Variants in LPAR1 observed in about 807,000 individuals in gnomAD.
LPAR1 encodes the protein lysophosphatidic acid receptor 1.
A neutral mutation model predicts 23.8 loss-of-function variants in LPAR1; 5 were observed. The ratio of observed to expected loss-of-function variants is 0.21; its 90% CI spans 0.11 to 0.44. LPAR1 has a LOEUF of 0.44. LPAR1 is among the 20% of genes least tolerant of loss of function. The pLI is 0.99. For missense variants in LPAR1, 311 were observed against 482.8 expected (o/e 0.64, Z 3.33); for synonymous variants, 160 against 164.7 (o/e 0.97, Z 0.22).
intron 2 of LPAR1, among the ~76,000 whole-genome samples, chr9:111,012,920 CT>C (rs2097362106): frequency 6.6e-6 from 1 of 152,114 alleles, no homozygotes; most frequent in Non-Finnish European, 1.5e-5. Flanking sequence ...CAGCCTGTAA[CT>C]TTGTGAAAGG....
rs73655659 is a variant in LPAR1 at position 110,897,762 on chromosome 9, T to C, written c.794-22040A>G. Among the ~76,000 whole-genome samples the C allele has an allele frequency of 6.9e-3, 1,045 of 150,366 alleles. 15 individuals are homozygous for C. Among genetic ancestry groups the C allele is most frequent in the African/African-American group, 0.024 (980 of 41,044 alleles). On this transcript the variant is annotated intron_variant, in intron 5 of 5. Transcript: ENST00000683809. The stretch of plus-strand genomic sequence containing the variant: ...AATTCTAGAAAGATAGGGAGAAACA[T>C]TGAAAAGTAGAAAAAAATAACTAGA...
intron 5 of LPAR1, among the ~76,000 whole-genome samples, chr9:110,883,718 AAC>A (rs1358230571): frequency 1.3e-5 from 2 of 152,178 alleles, no homozygotes; most frequent in Non-Finnish European, 2.9e-5. Flanking sequence ...ACAGATAAGA[AAC>A]ACACAGTTTA....
chr9:110,908,994 T>C (rs757552189), intron 5 of LPAR1, among the ~76,000 whole-genome samples: 1 of 152,186 alleles, frequency 6.6e-6, no homozygotes, highest in Non-Finnish European at 1.5e-5. Context: ...GAAAGGACCT[T>C]CAGGCCTCTC....
At chr9:111,005,884 T>C (rs2097209978) in intron 2 of LPAR1, among the ~76,000 whole-genome samples, 1 of 152,182 alleles carries the variant, frequency 6.6e-6, no homozygotes, top group Non-Finnish European at 1.5e-5. Context: ...AGTGTGTTGG[T>C]GTGCCCTGCT....
At chr9:111,015,579 G>A (rs1027643717) in intron 2 of LPAR1, among the ~76,000 whole-genome samples, 2 of 152,120 alleles carry the variant, frequency 1.3e-5, no homozygotes, top group African/African-American at 4.8e-5. Context: ...ATAGGGAGTT[G>A]TTGATCAAAG....
intron 2 of LPAR1, among the ~76,000 whole-genome samples, chr9:111,034,401 G>C (rs1176771387): frequency 6.6e-6 from 1 of 151,372 alleles, no homozygotes; most frequent in Non-Finnish European, 1.5e-5. Context: ...AAACAAAAAA[G>C]AGAGGGGAAA....
intron 5 of LPAR1, among the ~76,000 whole-genome samples, chr9:110,912,110 A>G (rs1039178996): frequency 2.0e-5 from 3 of 152,228 alleles, no homozygotes; most frequent in African/African-American, 7.2e-5. Context: ...AAAGCACAGT[A>G]TCAATGCAGA....
intron 5 of LPAR1, among the ~76,000 whole-genome samples, chr9:110,878,379 T>A (rs961572302): frequency 6.6e-6 from 1 of 152,146 alleles, no homozygotes; most frequent in Non-Finnish European, 1.5e-5. Flanking sequence ...TTGTAAGGGA[T>A]GAGGTTCCTA....
chr9:110,945,367 C>T (rs1373844893), intron 4 of LPAR1: 1 of 151,932 alleles, frequency 6.6e-6, no homozygotes, highest in East Asian at 1.9e-4. Flanking sequence ...AGGAGGTGGC[C>T]ACTTATCTCT....
chr9:111,020,326 A>T (rs2097538764), intron 2 of LPAR1, among the ~76,000 whole-genome samples: 1 of 152,246 alleles, frequency 6.6e-6, no homozygotes. Flanking sequence ...TCCCTGAATC[A>T]GATGAGAATT....
At position 111,023,032 on chromosome 9, in the gene LPAR1, C is replaced by T. The variant is rs536067323; in HGVS notation, c.-182+13090G>A. 4.9e-4 allele frequency among the ~76,000 whole-genome samples: 58 copies of T among 118,810 alleles called. 2 individuals carry two copies. The South Asian group carries it at 0.016, about 32-fold the overall frequency. 77.9% of individuals were successfully genotyped at this position (118,810 alleles called of 152,430 possible). On this transcript the variant is annotated intron_variant, in intron 2 of 5. Coordinates refer to ENST00000683809, the MANE Select transcript of LPAR1 (RefSeq NM_001351411.2). ...CGCCACTGCACTCCAGCCTGGGTGA[C>T]ACAGCAAGACTCCGTCTCAACAAAA...
chr9:110,976,119 T>C (rs1185220490), intron 2 of LPAR1, among the ~76,000 whole-genome samples: 2 of 152,150 alleles, frequency 1.3e-5, no homozygotes, highest in African/African-American at 2.4e-5. Flanking sequence ...CTGAGTAAGC[T>C]GGCTCACTTT....
chr9:110,892,003 T>C (rs2084324014), intron 5 of LPAR1, among the ~76,000 whole-genome samples: 2 of 152,168 alleles, frequency 1.3e-5, no homozygotes, highest in Non-Finnish European at 2.9e-5. Flanking sequence ...AGTTAAACAT[T>C]CACATATCAT....
In LPAR1 at chr9:111,021,689, C is replaced by T. The variant is rs944408955; in HGVS notation, c.-182+14433G>A. Among the ~76,000 whole-genome samples, 57 of 152,040 alleles carry T rather than the reference C, an allele frequency of 3.7e-4. 1 individual carries two copies. The highest frequency in any genetic ancestry group is 8.8e-5 in the Non-Finnish European group (6 of 67,998). On this transcript the variant is annotated intron_variant, in intron 2 of 5. Transcript: ENST00000683809. ...GTCTTAAAAGATTTAGGCCAGTTGC[C>T]GTGGCTCACGCCTGTAATCCCAACA...
intron 2 of LPAR1, among the ~76,000 whole-genome samples, chr9:110,978,531 A>T (rs1341890993): frequency 7.9e-5 from 12 of 152,314 alleles, no homozygotes; most frequent in Admixed American, 7.2e-4. Context: ...AAATGGGGAA[A>T]TTTTTCAAAC....
intron 2 of LPAR1, among the ~76,000 whole-genome samples, chr9:111,034,729 A>T (rs1277643140): frequency 6.6e-6 from 1 of 152,022 alleles, no homozygotes; most frequent in Non-Finnish European, 1.5e-5. Flanking sequence ...CTGCCCCAAT[A>T]TGTGTTACTC....
chr9:110,922,660 G>T (rs2093706049), intron 5 of LPAR1, among the ~76,000 whole-genome samples: 1 of 151,768 alleles, frequency 6.6e-6, no homozygotes, highest in South Asian at 2.1e-4. Flanking sequence ...AAACTGTTAG[G>T]TATTTCTTTT....
intron 5 of LPAR1, among the ~76,000 whole-genome samples, chr9:110,925,483 T>C (rs900835886): frequency 2.0e-5 from 3 of 152,136 alleles, no homozygotes; most frequent in Non-Finnish European, 2.9e-5. Flanking sequence ...TTCTACATCA[T>C]TGATTGAATG....
intron 2 of LPAR1, among the ~76,000 whole-genome samples, chr9:110,991,069 C>A (rs570830625): frequency 1.2e-4 from 18 of 152,056 alleles, no homozygotes; most frequent in Non-Finnish European, 2.6e-4. Context: ...ATACCATATA[C>A]AAAAATTAAC....
Sources: allele counts gnomAD v4.1 joint callset (sites outside exome capture counted in the v4.1 genomes callset), GRCh38; gene constraint gnomAD v4.1.1; transcripts MANE v1.5; gene names NCBI Gene and HGNC (gene_info 2026-07-23, HGNC 2026-07-21).